The following UVRAG variants were observed in gnomAD, a reference collection of about 807,000 sequenced individuals.
UVRAG encodes UV radiation resistance-associated gene protein.
A neutral mutation model predicts 78.0 loss-of-function variants in UVRAG; 19 were observed. That is an observed-to-expected ratio of 0.24 (90% CI 0.17 to 0.36). UVRAG has a LOEUF of 0.36. Among genes scored for constraint, UVRAG ranks in the 10% least tolerant of loss-of-function variants. UVRAG has a pLI of 1.00. For missense variants in UVRAG, 740 were observed against 853.8 expected (o/e 0.87, Z 1.66); for synonymous variants, 323 against 324.6 (o/e 1.00, Z 0.05).
intron 7 of UVRAG, among the ~76,000 whole-genome samples, chr11:75,979,085 C>T (rs917064767): frequency 6.6e-6 from 1 of 152,168 alleles, no homozygotes; most frequent in African/African-American, 2.4e-5. Context: ...TGTTAGTTTT[C>T]CTTCTAACAC....
chr11:75,842,668 C>T (rs2135844022), intron 1 of UVRAG, among the ~76,000 whole-genome samples: 1 of 152,222 alleles, frequency 6.6e-6, no homozygotes, highest in Admixed American at 6.5e-5. Flanking sequence ...TCTTGAACTC[C>T]TGACCTTGTG....
At chr11:75,863,329 G>C (rs1254344773) in intron 3 of UVRAG, among the ~76,000 whole-genome samples, 1 of 152,206 alleles carries the variant, frequency 6.6e-6, no homozygotes, top group Admixed American at 6.5e-5. Context: ...GGTGGAAACA[G>C]AAATAGTTTG....
rs189038073 is a variant in UVRAG at position 76,003,460 on chromosome 11, A to G, written c.827-545A>G. Among the ~76,000 whole-genome samples, 67 of 151,906 alleles carry G rather than the reference A, an allele frequency of 4.4e-4. No individual in the cohort carries two copies. In the South Asian group the frequency reaches 7.1e-3, roughly 16 times the overall value. ...GGTCTCGAACTCCTGACCTCAAGTGATCTGCCAGCCTTGGCCTCCCAAAGT... is the reference window on the plus strand; with the variant it reads ...GGTCTCGAACTCCTGACCTCAAGTGGTCTGCCAGCCTTGGCCTCCCAAAGT... On this transcript the variant is annotated intron_variant, in intron 8 of 14. Transcript: ENST00000356136.
intron 2 of UVRAG, among the ~76,000 whole-genome samples, chr11:75,859,153 T>A (rs1946361885): frequency 6.6e-6 from 1 of 152,174 alleles, no homozygotes; most frequent in Non-Finnish European, 1.5e-5. Flanking sequence ...GGCGTGTGGA[T>A]CATTTGAGGT....
chr11:76,040,687 C>G (rs921000498), intron 12 of UVRAG, among the ~76,000 whole-genome samples: 1 of 151,956 alleles, frequency 6.6e-6, no homozygotes, highest in Non-Finnish European at 1.5e-5. Flanking sequence ...TCCCGAGTAG[C>G]TGGGATTACA....
At chr11:75,889,444 C>G (rs1343895427) in intron 5 of UVRAG, among the ~76,000 whole-genome samples, 1 of 152,170 alleles carries the variant, frequency 6.6e-6, no homozygotes, top group Non-Finnish European at 1.5e-5. Flanking sequence ...TTTGTTTTGT[C>G]CTCTCCATTT....
chr11:75,872,423 C>G lies in UVRAG; in HGVS notation c.271-7456C>G, dbSNP rs545379890. ...TTTTTTTTTTAGACGGAGGCTCACT[C>G]TGTCGCCCAGGCTAGAGTGCAGTAG... On this transcript the variant is annotated intron_variant, in intron 3 of 14. Transcript: ENST00000356136. Among the ~76,000 whole-genome samples the G allele has an allele frequency of 4.8e-4, 70 of 145,332 alleles. No individual in the cohort carries two copies. In the South Asian group the frequency reaches 0.015, roughly 30 times the overall value.
chr11:75,890,403 A>C (rs2134935580), intron 5 of UVRAG, among the ~76,000 whole-genome samples: 1 of 152,312 alleles, frequency 6.6e-6, no homozygotes, highest in Admixed American at 6.5e-5. Flanking sequence ...TTAGTAGATA[A>C]AATCATTAGG....
chr11:75,908,911 A>T (rs1947677462), intron 5 of UVRAG, among the ~76,000 whole-genome samples: 1 of 151,576 alleles, frequency 6.6e-6, no homozygotes, highest in Admixed American at 6.6e-5. Flanking sequence ...ACATTATCTG[A>T]TTTGCTGGAA....
At chr11:76,104,197 C>A (rs77241637) in intron 13 of UVRAG, among the ~76,000 whole-genome samples, 1 of 152,130 alleles carries the variant, frequency 6.6e-6, no homozygotes, top group Non-Finnish European at 1.5e-5. Flanking sequence ...TTTAGGGTTA[C>A]TATGAAGATT....
At chr11:75,901,269 G>GT (rs955663661) in intron 5 of UVRAG, among the ~76,000 whole-genome samples, 7 of 150,804 alleles carry the variant, frequency 4.6e-5, no homozygotes, top group Admixed American at 1.3e-4. Context: ...ATGAGCCATT[G>GT]TTTTTTTTTC....
chr11:75,901,213 T>TA (rs1381784085), intron 5 of UVRAG, among the ~76,000 whole-genome samples: 1 of 152,190 alleles, frequency 6.6e-6, no homozygotes, highest in African/African-American at 2.4e-5. Context: ...ACTGTATTTT[T>TA]AAAAAAGTAT....
intron 14 of UVRAG, among the ~76,000 whole-genome samples, chr11:76,125,460 C>A (rs1416560198): frequency 6.6e-6 from 1 of 152,052 alleles, no homozygotes; most frequent in Non-Finnish European, 1.5e-5. Flanking sequence ...AGTTTAAACA[C>A]CCTCACTTCA....
chr11:75,974,753 G>C (rs1163754735), intron 7 of UVRAG, among the ~76,000 whole-genome samples: 1 of 152,164 alleles, frequency 6.6e-6, no homozygotes. Context: ...ATTTGTTTAA[G>C]ATCTTTGTAG....
intron 12 of UVRAG, among the ~76,000 whole-genome samples, chr11:76,055,859 G>A (rs891617608): frequency 2.6e-5 from 4 of 152,040 alleles, no homozygotes; most frequent in African/African-American, 9.7e-5. Context: ...ACAGGTGCCC[G>A]CCACCACACC....
chr11:76,005,525 G>A (rs977232434), intron 9 of UVRAG, among the ~76,000 whole-genome samples: 4 of 152,134 alleles, frequency 2.6e-5, no homozygotes, highest in Admixed American at 6.5e-5. Flanking sequence ...AGTGATTTTC[G>A]TACTGTTACA....
At position 76,091,094 on chromosome 11, in the gene UVRAG, C is replaced by T. The variant is rs574834485; in HGVS notation, c.1306-24830C>T. On this transcript the variant is annotated intron_variant, in intron 13 of 14. Coordinates refer to ENST00000356136, the MANE Select transcript of UVRAG (RefSeq NM_003369.4). ...ATGCATGGAGATAAATTTTTGAGAC[C>T]TTGTAAATCTGAAAATTATCTTTAT... Among the ~76,000 whole-genome samples the T allele has an allele frequency of 7.9e-5, 12 of 152,220 alleles. No homozygotes were observed. In the East Asian group the frequency reaches 2.3e-3, roughly 29 times the overall value.
intron 12 of UVRAG, among the ~76,000 whole-genome samples, chr11:76,027,637 C>T (rs867236868): frequency 1.3e-5 from 2 of 151,992 alleles, no homozygotes; most frequent in Admixed American, 6.6e-5. Flanking sequence ...ATTAAATAAG[C>T]GCAGTGCTTG....
At chr11:75,837,184 G>C (rs144777499) in intron 1 of UVRAG, among the ~76,000 whole-genome samples, 3 of 152,048 alleles carry the variant, frequency 2.0e-5, no homozygotes, top group Admixed American at 1.3e-4. Context: ...AAAATTAGCC[G>C]AGCGTGGTGG....
Sources: gnomAD v4.1 joint callset for allele counts (sites outside exome capture counted in the v4.1 genomes callset) on GRCh38, gnomAD v4.1.1 for gene constraint, MANE v1.5 for transcripts, NCBI Gene and HGNC (gene_info 2026-07-23, HGNC 2026-07-21) for gene names.